VPS13B: variants seen among roughly 807,000 people sequenced by gnomAD.
The protein encoded by VPS13B is vacuolar protein sorting 13 homolog B.
In VPS13B, 285 loss-of-function variants were observed where a neutral mutation model predicts 426.4. The observed-to-expected ratio is 0.67, with a 90% CI of 0.61 to 0.74. The LOEUF (loss-of-function observed/expected upper bound fraction) is 0.74. Ranked by LOEUF, VPS13B falls within the 30% of genes least tolerant of loss-of-function variation. VPS13B has a pLI of 0.00. For synonymous variants in VPS13B, 1,676 were observed against 1,676.4 expected, an observed-to-expected ratio of 1.00 and a Z score of 0.01; for missense variants, 4,537 against 4,782.6, an observed-to-expected ratio of 0.95 and a Z score of 1.51.
chr8:99,055,837 C>T (rs2132281597), intron 3 of VPS13B, among the ~76,000 whole-genome samples: 1 of 151,684 alleles, frequency 6.6e-6, no homozygotes, highest in African/African-American at 2.4e-5. Flanking sequence ...TCAAGCAATG[C>T]TCCCACCTCA....
At position 99,809,527 on chromosome 8, in the gene VPS13B, A is replaced by G. The variant is rs1813590413; in HGVS notation, c.8094A>G (p.Lys2698=). Residue 2698 remains lysine, a synonymous_variant, in exon 44 of 62, where the codon AAA becomes AAG. Transcript: ENST00000357162. ...IKVQQLNGVQ[K]QIIICGRQII... ...TTCAGCAACTCAATGGAGTACAAAA[A>G]CAGGTAAGTTTCTTTGTGTTCATGA... 6.2e-7 allele frequency: 1 copy of G among 1,613,898 alleles called. No individual in the cohort carries two copies. Among genetic ancestry groups the G allele is most frequent in the African/African-American group, 1.3e-5 (1 of 74,922 alleles).
At chr8:99,233,106 C>G in intron 17 of VPS13B, 2 of 1,377,084 alleles carry the variant, frequency 1.5e-6, no homozygotes, top group Admixed American at 1.7e-5. Context: ...GCTGCTTCAC[C>G]TCTTGTACAG....
intron 3 of VPS13B, among the ~76,000 whole-genome samples, chr8:99,051,904 C>T (rs200645152): frequency 5.0e-4 from 76 of 152,180 alleles, no homozygotes; most frequent in Middle Eastern, 3.4e-3. Flanking sequence ...TTGCTGAAGT[C>T]GCCTATCAGC....
chr8:99,275,261 A>G lies in VPS13B; in HGVS notation c.2824+7A>G, dbSNP rs2132999013. 6.3e-7 allele frequency: 1 copy of G among 1,599,156 alleles called. No homozygotes were observed. The highest frequency in any genetic ancestry group is 8.5e-7 in the Non-Finnish European group (1 of 1,174,622). ...GACTACTGCCACAATTCCGGTAAGT[A>G]CAAACCTATCATTATTCCCTTGTTT... On this transcript the variant is annotated splice_region_variant and intron_variant, in intron 19 of 61. Transcript: ENST00000357162.
In VPS13B at chr8:99,861,899, G is replaced by C. The variant is rs1325260505; in HGVS notation, c.11168G>C (p.Gly3723Ala). ...CGGCGGCAGCTCCCCGAGAGCCTGG[G>C]CGAGGGGCTTCGACAGGGCCTGTCC... ...EWRRQLPESL[G>A]EGLRQGLSRL... The change falls in exon 58 of 62, where the codon GGC becomes GCC. Residue 3723 changes from glycine (G) to alanine (A), a missense_variant. By Grantham distance (60) the Gly-to-Ala change is moderately conservative. Coordinates refer to ENST00000357162, the MANE Select transcript of VPS13B (RefSeq NM_152564.5). 6.3e-7 allele frequency: 1 copy of C among 1,597,840 alleles called. No homozygotes were observed. Among genetic ancestry groups the C allele is most frequent in the Non-Finnish European group, 8.5e-7 (1 of 1,173,038 alleles).
chr8:99,556,449 G>C lies in VPS13B; in HGVS notation c.4746-1G>C, dbSNP rs768342041. The C allele has an allele frequency of 6.2e-7, 1 of 1,612,138 alleles. No homozygotes were observed. Among genetic ancestry groups the C allele is most frequent in the Non-Finnish European group, 8.5e-7 (1 of 1,179,338 alleles). ...TTTTGTTTTTTTCGCTGCCTTTACA[G>C]GAGAGCCTTGAACTTAGGAATTCTT... On this transcript the variant is annotated splice_acceptor_variant, in intron 30 of 61. Coordinates refer to ENST00000357162, the MANE Select transcript of VPS13B (RefSeq NM_152564.5). LOFTEE classifies it high-confidence loss of function.
At chr8:99,501,926 CCCTTCCTTCCTT>C in intron 26 of VPS13B, 68 bp downstream of exon 26, 2 of 1,068,590 alleles carry the variant, frequency 1.9e-6, no homozygotes, top group Non-Finnish European at 2.6e-6. Flanking sequence ...CTCCCTCCCT[CCCTTCCTTCCTT>C]CCTTTCTTTT....
intron 14 of VPS13B, among the ~76,000 whole-genome samples, chr8:99,155,762 T>C (rs1180245069): frequency 6.6e-6 from 1 of 152,194 alleles, no homozygotes; most frequent in African/African-American, 2.4e-5. Context: ...GCCAATATTA[T>C]TGTGACAATG....
chr8:99,481,759 C>T lies in VPS13B; in HGVS notation c.3827C>T (p.Thr1276Ile), dbSNP rs567003932. 279 of 1,613,926 alleles carry T rather than the reference C, an allele frequency of 1.7e-4. 4 individuals are homozygous for T. The South Asian group carries it at 2.8e-3, about 16-fold the overall frequency. ...RSSIGTAPPDTSTCSPSADIG... is the reference protein window; with the variant it reads ...RSSIGTAPPDISTCSPSADIG... ...AGTATAGGCACAGCTCCTCCAGATACCAGCACATGCAGCCCATCTGCTGAC... is the reference window on the plus strand; with the variant it reads ...AGTATAGGCACAGCTCCTCCAGATATCAGCACATGCAGCCCATCTGCTGAC... Residue 1276 changes from threonine to isoleucine, a missense_variant, in exon 25 of 62, where the codon ACC becomes ATC. Transcript: ENST00000357162.
intron 5 of VPS13B, among the ~76,000 whole-genome samples, chr8:99,110,312 G>A (rs1847293451): frequency 1.3e-5 from 2 of 152,118 alleles, no homozygotes; most frequent in East Asian, 3.9e-4. Context: ...TATTTACCTA[G>A]GAATTGCTTA....
At chr8:99,573,181 T>C (rs1399121708) in intron 31 of VPS13B, among the ~76,000 whole-genome samples, 2 of 152,218 alleles carry the variant, frequency 1.3e-5, no homozygotes, top group Non-Finnish European at 2.9e-5. Context: ...TTGAGTTCTT[T>C]GTAGATTCTG....
chr8:99,062,667 C>T (rs1296117966), intron 3 of VPS13B, among the ~76,000 whole-genome samples: 2 of 152,078 alleles, frequency 1.3e-5, no homozygotes, highest in African/African-American at 2.4e-5. Flanking sequence ...GGGGTGTCTC[C>T]ATGTTGGTCA....
At position 99,515,135 on chromosome 8, in the gene VPS13B, A is replaced by G. The variant is rs16897415; in HGVS notation, c.4633+3623A>G. Among the ~76,000 whole-genome samples, 649 of 152,324 alleles carry G rather than the reference A, an allele frequency of 4.3e-3. 3 individuals are homozygous for G. Among genetic ancestry groups the G allele is most frequent in the African/African-American group, 0.015 (619 of 41,554 alleles). On this transcript the variant is annotated intron_variant, in intron 29 of 61. Transcript: ENST00000357162. ...ATATGTTTGTGACAAAAAGATTACA[A>G]ATCAGGCTATTTAAGAAAGAAGAGG...
chr8:99,151,605 C>T (rs933730213), intron 14 of VPS13B, among the ~76,000 whole-genome samples: 1 of 151,910 alleles, frequency 6.6e-6, no homozygotes, highest in Non-Finnish European at 1.5e-5. Flanking sequence ...ATGATCTTGG[C>T]TCACAGCAAC....
intron 22 of VPS13B, among the ~76,000 whole-genome samples, chr8:99,436,190 A>G (rs751933789): frequency 3.9e-5 from 6 of 152,158 alleles, no homozygotes; most frequent in Non-Finnish European, 8.8e-5. Flanking sequence ...GATGTTAACT[A>G]TGTGCTTTAC....
chr8:99,568,953 A>G (rs1480922276), intron 31 of VPS13B, among the ~76,000 whole-genome samples: 1 of 151,670 alleles, frequency 6.6e-6, no homozygotes, highest in Admixed American at 6.6e-5. Flanking sequence ...CTGGGGCTAC[A>G]GGCGCCCGCC....
chr8:99,798,436 G>A (rs934557500), intron 43 of VPS13B, among the ~76,000 whole-genome samples: 11 of 152,086 alleles, frequency 7.2e-5, no homozygotes, highest in African/African-American at 2.7e-4. Context: ...GAAGTTTAGG[G>A]TTGAGTTTTC....
At position 99,871,651 on chromosome 8, in the gene VPS13B, T is replaced by TA; in HGVS notation, c.11700dup (p.Leu3901ThrfsTer13). 6.2e-7 allele frequency: 1 copy of TA among 1,614,118 alleles called. No homozygotes were observed. Among genetic ancestry groups the TA allele is most frequent in the Non-Finnish European group, 8.5e-7 (1 of 1,180,044 alleles). On this transcript the variant is annotated frameshift_variant, in exon 61 of 62. Coordinates refer to ENST00000357162, the MANE Select transcript of VPS13B (RefSeq NM_152564.5). LOFTEE classifies it high-confidence loss of function. ...GCACAGGACAGCAAGCAGAACAACT[T>TA]ACTCACAGTGCAGCTCAAGCAGCCA...
intron 33 of VPS13B, among the ~76,000 whole-genome samples, chr8:99,635,273 A>G (rs898060787): frequency 2.0e-5 from 3 of 152,010 alleles, no homozygotes; most frequent in Non-Finnish European, 2.9e-5. Context: ...TAGGATGAAG[A>G]TCACAGTTAT....
Sources: allele counts gnomAD v4.1 joint callset (sites outside exome capture counted in the v4.1 genomes callset), GRCh38; gene constraint gnomAD v4.1.1; transcripts MANE v1.5; gene names NCBI Gene and HGNC (gene_info 2026-07-23, HGNC 2026-07-21).